BLTP2: variants seen among roughly 807,000 people sequenced by gnomAD.
BLTP2 encodes U937-associated antigen.
the BLTP2 span, chr17:28,615,653 T>C: frequency 6.2e-7 from 1 of 1,613,424 alleles, no homozygotes; most frequent in Non-Finnish European, 8.5e-7. Flanking sequence ...CCATGAGCCC[T>C]GGCGGGATAC....
chr17:28,620,912 C>A, the BLTP2 span: 1 of 1,388,824 alleles, frequency 7.2e-7, no homozygotes, highest in Non-Finnish European at 1.0e-6. Context: ...ACTCTACTGT[C>A]TCAAAACCAC....
the BLTP2 span, among the ~76,000 whole-genome samples, chr17:28,626,304 CA>C: frequency 6.6e-6 from 1 of 152,186 alleles, no homozygotes; most frequent in Non-Finnish European, 1.5e-5. Context: ...CTTTCCTTTC[CA>C]GTCCTTTCTC....
At chr17:28,621,113 C>A in the BLTP2 span, 1 of 1,614,144 alleles carries the variant, frequency 6.2e-7, no homozygotes, top group South Asian at 1.1e-5. Context: ...GCAGTTGCAA[C>A]GCGAAATGAT....
chr17:28,639,293 G>A, the BLTP2 span: 1 of 1,613,166 alleles, frequency 6.2e-7, no homozygotes, highest in Non-Finnish European at 8.5e-7. Flanking sequence ...ACAAGAAGGT[G>A]GCTGAAAAAG....
chr17:28,631,699 A>G, the BLTP2 span: 1 of 1,613,832 alleles, frequency 6.2e-7, no homozygotes, highest in Non-Finnish European at 8.5e-7. Context: ...AAAGAGGCAC[A>G]CAGAGACCAT....
the BLTP2 span, chr17:28,619,760 T>C: frequency 1.2e-6 from 2 of 1,614,032 alleles, no homozygotes; most frequent in Non-Finnish European, 1.7e-6. Context: ...TCATTCTTGC[T>C]GTCATCCTGC....
chr17:28,633,915 T>C, the BLTP2 span: 1 of 1,614,066 alleles, frequency 6.2e-7, no homozygotes, highest in Non-Finnish European at 8.5e-7. Flanking sequence ...ATGGTAGAAT[T>C]TGAGTGGGGG....
chr17:28,629,797 TAG>T, the BLTP2 span, among the ~76,000 whole-genome samples: 2 of 151,972 alleles, frequency 1.3e-5, no homozygotes, highest in African/African-American at 4.8e-5. Context: ...GTATTTTTAG[TAG>T]AGACAGGGTT....
chr17:28,633,356 G>T, the BLTP2 span: 1 of 1,614,048 alleles, frequency 6.2e-7, no homozygotes, highest in South Asian at 1.1e-5. Context: ...TGAAAAGACA[G>T]GTGGCTCCAC....
chr17:28,615,669 C>A, the BLTP2 span: 2 of 1,613,724 alleles, frequency 1.2e-6, no homozygotes, highest in East Asian at 2.2e-5. Context: ...GATACCTGGG[C>A]AACCAGGGCT....
At chr17:28,629,468 T>TA in the BLTP2 span, among the ~76,000 whole-genome samples, 11 of 151,996 alleles carry the variant, frequency 7.2e-5, no homozygotes, top group African/African-American at 2.7e-4. Flanking sequence ...TTTATTTATT[T>TA]TTTATTTATT....
At chr17:28,633,570 G>C in the BLTP2 span, 1 of 1,614,032 alleles carries the variant, frequency 6.2e-7, no homozygotes, top group Non-Finnish European at 8.5e-7. Context: ...GCTGGTGCAG[G>C]TTCGCCTGTT....
the BLTP2 span, chr17:28,639,322 T>G: frequency 1.2e-6 from 2 of 1,614,174 alleles, no homozygotes; most frequent in South Asian, 1.1e-5. Context: ...GACCTTTTTT[T>G]CCTTTGCTTT....
the BLTP2 span, chr17:28,628,174 G>T: frequency 9.2e-7 from 1 of 1,088,694 alleles, no homozygotes; most frequent in Non-Finnish European, 1.4e-6. Flanking sequence ...CTAGATAGAA[G>T]CACCATGACT....
chr17:28,638,812 C>T, the BLTP2 span, among the ~76,000 whole-genome samples: 1 of 152,174 alleles, frequency 6.6e-6, no homozygotes, highest in Non-Finnish European at 1.5e-5. Context: ...TTTATTGCTA[C>T]TCTTAATGGT....
the BLTP2 span, chr17:28,614,930 G>T: frequency 1.3e-6 from 1 of 777,192 alleles, no homozygotes; most frequent in Non-Finnish European, 2.1e-6. Context: ...AACAGACCAG[G>T]TGCTGAAGAG....
chr17:28,641,303 G>A, the BLTP2 span, among the ~76,000 whole-genome samples: 1 of 152,158 alleles, frequency 6.6e-6, no homozygotes, highest in Admixed American at 6.5e-5. Flanking sequence ...AAGTGGATCC[G>A]CACAGCTCAA....
chr17:28,622,279 A>G, the BLTP2 span, among the ~76,000 whole-genome samples: 1 of 152,234 alleles, frequency 6.6e-6, no homozygotes, highest in East Asian at 1.9e-4. Flanking sequence ...CAGCTCTTAT[A>G]TATCAGCATG....
chr17:28,637,172 TAAC>T, the BLTP2 span: 6 of 1,613,526 alleles, frequency 3.7e-6, no homozygotes, highest in East Asian at 2.2e-5. Flanking sequence ...CTGAAGCACC[TAAC>T]AACCAGAAAC....
Sources: gnomAD v4.1 joint callset for allele counts (sites outside exome capture counted in the v4.1 genomes callset) on GRCh38, gnomAD v4.1.1 for gene constraint, MANE v1.5 for transcripts, NCBI Gene and HGNC (gene_info 2026-07-23, HGNC 2026-07-21) for gene names.